Variants in IQCM observed in about 807,000 individuals in gnomAD.
IQCM encodes the protein IQ domain-containing protein M.
Under a neutral mutation model 57.6 loss-of-function variants are expected in IQCM, and 45 were observed. The ratio of observed to expected loss-of-function variants is 0.78; its 90% CI spans 0.62 to 1.00. The LOEUF is 1.00. Ranked by LOEUF, IQCM falls within the 50% of genes least tolerant of loss-of-function variation. IQCM has a pLI of 0.00. For missense variants in IQCM, 468 were observed against 511.6 expected (o/e 0.91, Z 0.82); for synonymous variants, 148 against 158.9 (o/e 0.93, Z 0.51).
intron 8 of IQCM, among the ~76,000 whole-genome samples, chr4:149,602,839 T>A (rs1031354201): frequency 6.6e-6 from 1 of 152,048 alleles, no homozygotes; most frequent in African/African-American, 2.4e-5. Flanking sequence ...TATGCACTCT[T>A]GTTTTGGAAT....
At position 149,627,949 on chromosome 4, in the gene IQCM, A is replaced by G. The variant is rs372866434; in HGVS notation, c.566-6705T>C. ...TGAAAAAGGGCTCATAAGTCAAGGA[A>G]TGCAGGTGGCCTCCAGAAGCTGGAA... On this transcript the variant is annotated intron_variant, in intron 7 of 13. Transcript: ENST00000636793. Among the ~76,000 whole-genome samples, 3 of 152,130 alleles carry G rather than the reference A, an allele frequency of 2.0e-5. No individual in the cohort carries two copies. In the East Asian group the frequency reaches 5.8e-4, roughly 29 times the overall value.
intron 12 of IQCM, among the ~76,000 whole-genome samples, chr4:149,511,048 G>A (rs1016454548): frequency 6.6e-6 from 1 of 152,078 alleles, no homozygotes; most frequent in Admixed American, 6.6e-5. Context: ...ATGGAATAAA[G>A]GCCAGCCTCC....
At chr4:149,595,447 G>A (rs1488397002) in intron 8 of IQCM, among the ~76,000 whole-genome samples, 1 of 152,026 alleles carries the variant, frequency 6.6e-6, no homozygotes. Flanking sequence ...GTACTGTGAA[G>A]AGAAAATTAT....
intron 12 of IQCM, among the ~76,000 whole-genome samples, chr4:149,516,873 C>T (rs1745022039): frequency 6.6e-6 from 1 of 151,912 alleles, no homozygotes; most frequent in Non-Finnish European, 1.5e-5. Flanking sequence ...AGTCAACAGG[C>T]TAAGAAGGGA....
intron 12 of IQCM, chr4:149,514,387 CT>C (rs1383157618): frequency 6.6e-6 from 1 of 152,096 alleles, no homozygotes; most frequent in Non-Finnish European, 1.5e-5. Context: ...TTCACTTTAC[CT>C]TCTTAATGAG....
intron 5 of IQCM, among the ~76,000 whole-genome samples, chr4:149,695,587 A>C (rs1206925257): frequency 1.3e-5 from 2 of 152,210 alleles, no homozygotes; most frequent in Non-Finnish European, 2.9e-5. Flanking sequence ...ATCACCACAG[A>C]AACACAAGTT....
chr4:149,494,770 G>T (rs987822892), intron 12 of IQCM, among the ~76,000 whole-genome samples: 1 of 152,076 alleles, frequency 6.6e-6, no homozygotes, highest in Non-Finnish European at 1.5e-5. Flanking sequence ...AGCAACCAGG[G>T]TTTAGAAATT....
Position 149,621,293 on chromosome 4 carries a change from T to C in IQCM, c.566-49A>G, listed in dbSNP as rs931457845. 6.1e-6 allele frequency: 5 copies of C among 816,476 alleles called. No homozygotes were observed. The African/African-American group carries it at 8.9e-5, about 14-fold the overall frequency. The allele number at this position is 816,476 out of a possible 1,614,324, so 50.6% of individuals were successfully genotyped here. A position where few individuals can be genotyped will look rare whatever the true frequency, so the allele number is the denominator to read the frequency against. On this transcript the variant is annotated intron_variant, in intron 7 of 13. Transcript: ENST00000636793. ...TAAAACAATATCTATCCAGGAAAAG[T>C]ACACACTGATTATATTGCTTAATGT...
rs1757004525 is a variant in IQCM, at chr4:149,628,613, T to A, written c.566-7369A>T. On this transcript the variant is annotated intron_variant, in intron 7 of 13. Transcript: ENST00000636793. ...ATTACTGAAGATGAAACTAGAACAA[T>A]CAGAAATGAAGAAAACATACTATGT... Among the ~76,000 whole-genome samples the A allele has an allele frequency of 3.3e-5, 5 of 151,932 alleles. No individual in the cohort carries two copies. The South Asian group carries it at 1.0e-3, about 32-fold the overall frequency.
chr4:149,633,167 CAAAAAA>C (rs71596216), intron 7 of IQCM, among the ~76,000 whole-genome samples: 2 of 22,938 alleles, frequency 8.7e-5, no homozygotes, highest in East Asian at 2.1e-3. Flanking sequence ...GACTCCGTCT[CAAAAAA>C]AAAAAAAAAA....
At chr4:149,683,891 C>T (rs1762372446) in intron 6 of IQCM, among the ~76,000 whole-genome samples, 2 of 151,230 alleles carry the variant, frequency 1.3e-5, no homozygotes, top group South Asian at 4.1e-4. Flanking sequence ...ATAATATCCT[C>T]ATTCTGTTAT....
intron 7 of IQCM, among the ~76,000 whole-genome samples, chr4:149,641,351 T>C (rs2150115322): frequency 6.6e-6 from 1 of 152,250 alleles, no homozygotes; most frequent in Non-Finnish European, 1.5e-5. Flanking sequence ...TTCCCTATAT[T>C]TAATTATGTA....
At chr4:149,624,807 T>A (rs1756655705) in intron 7 of IQCM, among the ~76,000 whole-genome samples, 1 of 152,174 alleles carries the variant, frequency 6.6e-6, no homozygotes, top group Non-Finnish European at 1.5e-5. Context: ...TAAGAAATAG[T>A]CTGTATATCT....
At chr4:149,753,337 A>C (rs1282854388) in intron 2 of IQCM, among the ~76,000 whole-genome samples, 1 of 152,168 alleles carries the variant, frequency 6.6e-6, no homozygotes, top group Admixed American at 6.5e-5. Context: ...TCTAAAAAAG[A>C]ATATAAAAAT....
intron 12 of IQCM, among the ~76,000 whole-genome samples, chr4:149,506,829 G>A (rs960067708): frequency 1.3e-5 from 2 of 152,046 alleles, no homozygotes; most frequent in African/African-American, 4.8e-5. Context: ...TTCCTGCTCT[G>A]ACACTGCAGT....
At chr4:149,474,635 T>A (rs1739980589) in intron 12 of IQCM, among the ~76,000 whole-genome samples, 1 of 151,524 alleles carries the variant, frequency 6.6e-6, no homozygotes, top group Non-Finnish European at 1.5e-5. Flanking sequence ...GAGAATCGCT[T>A]GAACTCGGGA....
chr4:149,366,763 A>C (rs1025754704), intron 13 of IQCM, among the ~76,000 whole-genome samples: 1 of 151,950 alleles, frequency 6.6e-6, no homozygotes, highest in Non-Finnish European at 1.5e-5. Flanking sequence ...AATGCATTAA[A>C]AAAAGATATG....
chr4:149,700,614 A>T (rs2149812211), intron 5 of IQCM, among the ~76,000 whole-genome samples: 1 of 152,120 alleles, frequency 6.6e-6, no homozygotes, highest in African/African-American at 2.4e-5. Context: ...TTATTCTCTC[A>T]GGAAATGCAC....
At chr4:149,503,446 C>T (rs1014713886) in intron 12 of IQCM, among the ~76,000 whole-genome samples, 10 of 151,886 alleles carry the variant, frequency 6.6e-5, no homozygotes, top group African/African-American at 2.2e-4. Flanking sequence ...TGAGGGGAAC[C>T]AAAATCAAAG....
Sources: allele counts gnomAD v4.1 joint callset (sites outside exome capture counted in the v4.1 genomes callset), GRCh38; gene constraint gnomAD v4.1.1; transcripts MANE v1.5; gene names NCBI Gene and HGNC (gene_info 2026-07-23, HGNC 2026-07-21).